The following ZNF143 variants were observed in gnomAD, a reference collection of about 807,000 sequenced individuals.
ZNF143 encodes SPH-binding factor.
Under a neutral mutation model 74.1 loss-of-function variants are expected in ZNF143, and 49 were observed. That is an observed-to-expected ratio of 0.66 (90% CI 0.53 to 0.84). The LOEUF (loss-of-function observed/expected upper bound fraction) is 0.84. Among genes scored for constraint, ZNF143 ranks in the 40% least tolerant of loss-of-function variants. The pLI, the probability that ZNF143 is intolerant of heterozygous loss-of-function variation, is 0.00. For missense variants in ZNF143, 637 were observed against 793.4 expected (o/e 0.80, Z 2.37); for synonymous variants, 304 against 282.8 (o/e 1.07, Z -0.75).
chr11:9,524,361 A>C (rs1219416568), intron 14 of ZNF143, among the ~76,000 whole-genome samples: 1 of 152,136 alleles, frequency 6.6e-6, no homozygotes, highest in Non-Finnish European at 1.5e-5. Flanking sequence ...AAGGGTTTAT[A>C]ATTGTTATCT....
intron 11 of ZNF143, 102 bp downstream of exon 11, chr11:9,501,372 C>T (rs1848151435): frequency 2.2e-6 from 3 of 1,349,806 alleles, no homozygotes; most frequent in South Asian, 1.4e-5. Context: ...TCCTTTCTAT[C>T]ACTTGGCATG....
At chr11:9,485,057 A>C (rs981464877) in intron 7 of ZNF143, among the ~76,000 whole-genome samples, 1 of 150,172 alleles carries the variant, frequency 6.7e-6, no homozygotes, top group Non-Finnish European at 1.5e-5. Context: ...TCGGCCTTCC[A>C]AAGTGCTAGG....
At chr11:9,477,917 C>T (rs1039876784) in intron 5 of ZNF143, among the ~76,000 whole-genome samples, 1 of 152,124 alleles carries the variant, frequency 6.6e-6, no homozygotes, top group Non-Finnish European at 1.5e-5. Flanking sequence ...CCTCTGCCTC[C>T]CAGGTTCAAG....
intron 11 of ZNF143, among the ~76,000 whole-genome samples, chr11:9,502,241 CT>C (rs1183629630): frequency 2.1e-3 from 119 of 56,992 alleles, no homozygotes; most frequent in African/African-American, 6.9e-3. Flanking sequence ...TGGCCATATT[CT>C]TTTTTTTTTT....
chr11:9,528,492 T>C lies in ZNF143; in HGVS notation c.*879T>C, dbSNP rs1849201111. 1 of 152,306 alleles carries C rather than the reference T, an allele frequency of 6.6e-6. No homozygotes were observed. The highest frequency in any genetic ancestry group is 1.9e-4 in the East Asian group (1 of 5,190). The allele number at this position is 152,306 out of a possible 1,614,324, so 9.4% of individuals were successfully genotyped here. On this transcript the variant is annotated 3_prime_UTR_variant, in exon 16 of 16. Transcript: ENST00000396602. ...AGCTTATTTACCCCAAAGTTTATTA[T>C]TAATTTTGAATACAGCAATTTTTAA...
In ZNF143 at chr11:9,472,721, G is replaced by A. The variant is rs766025125; in HGVS notation, c.157G>A (p.Val53Ile). The A allele has an allele frequency of 2.5e-6, 4 of 1,604,150 alleles. No individual in the cohort carries two copies. Among genetic ancestry groups the A allele is most frequent in the Non-Finnish European group, 2.5e-6 (3 of 1,177,006 alleles). ...ENMEGVSLQAVTLADGSTAYI... is the reference protein window; with the variant it reads ...ENMEGVSLQAITLADGSTAYI... ...TATGGAAGGCGTAAGCTTGCAAGCA[G>A]TAACACTTGCAGATGGTTCTACTGC... is the stretch of plus-strand genomic sequence containing the variant. Residue 53 changes from valine (V) to isoleucine (I), a missense_variant, in exon 3 of 16, where the codon GTA becomes ATA. Val to Ile is a conservative substitution (Grantham distance 29, BLOSUM62 3). Around this residue, in one of 2 missense-constraint regions of ZNF143, gnomAD observed 293 missense variants for 307.8 expected, o/e 0.95. Transcript: ENST00000396602.
At chr11:9,468,788 G>C (rs1856394252) in intron 1 of ZNF143, among the ~76,000 whole-genome samples, 1 of 151,720 alleles carries the variant, frequency 6.6e-6, no homozygotes, top group African/African-American at 2.4e-5. Flanking sequence ...GAGGTTGCAG[G>C]GTCCTGCCAC....
At position 9,508,961 on chromosome 11, in the gene ZNF143, TA is replaced by T. The variant is rs1848451927; in HGVS notation, c.1375+118del. The stretch of plus-strand genomic sequence containing the variant: ...CTAATGTGTCATTCGTATAATCACA[TA>T]AACATAATTTACAGCTGCAGTAAGT... On this transcript the variant is annotated intron_variant, in intron 12 of 15. Coordinates refer to ENST00000396602, the MANE Select transcript of ZNF143 (RefSeq NM_003442.6). The T allele has an allele frequency of 2.7e-6, 3 of 1,098,128 alleles. No individual in the cohort carries two copies. In the South Asian group the frequency reaches 4.6e-5, roughly 17 times the overall value. The allele number at this position is 1,098,128 out of a possible 1,614,324, so 68.0% of individuals were successfully genotyped here. A position where few individuals can be genotyped will look rare whatever the true frequency, so the allele number is the denominator to read the frequency against.
intron 12 of ZNF143, among the ~76,000 whole-genome samples, chr11:9,512,131 T>A (rs958693056): frequency 1.3e-5 from 2 of 152,106 alleles, no homozygotes; most frequent in East Asian, 3.8e-4. Flanking sequence ...TCCTGTACAG[T>A]TCCTCCCCTC....
chr11:9,520,621 G>A (rs1288464378), intron 14 of ZNF143, among the ~76,000 whole-genome samples: 1 of 151,802 alleles, frequency 6.6e-6, no homozygotes, highest in Non-Finnish European at 1.5e-5. Flanking sequence ...TGAAACCCTG[G>A]CTCTACTAAA....
In ZNF143 at chr11:9,497,904, C is replaced by T. The variant is rs1402084586; in HGVS notation, c.967+104C>T. On this transcript the variant is annotated intron_variant, in intron 10 of 15. Transcript: ENST00000396602. ...GGAGTGCAGTGGTGCAATCTTGGCTCACTGCAAGCTCCGCCTCCCGGGTTC... is the reference window on the plus strand; with the variant it reads ...GGAGTGCAGTGGTGCAATCTTGGCTTACTGCAAGCTCCGCCTCCCGGGTTC... The T allele has an allele frequency of 1.0e-5, 9 of 887,480 alleles. No individual in the cohort carries two copies. In the African/African-American group the frequency reaches 1.1e-4, roughly 11 times the overall value. 55.0% of individuals were successfully genotyped at this position (887,480 alleles called of 1,614,324 possible). A position where few individuals can be genotyped will look rare whatever the true frequency, so the allele number is the denominator to read the frequency against.
intron 7 of ZNF143, among the ~76,000 whole-genome samples, chr11:9,491,325 A>T (rs1332342024): frequency 6.6e-6 from 1 of 150,794 alleles, no homozygotes; most frequent in Non-Finnish European, 1.5e-5. Flanking sequence ...TTATTTCTGT[A>T]TTACTTTTTT....
intron 10 of ZNF143, among the ~76,000 whole-genome samples, chr11:9,498,244 A>G (rs913403835): frequency 6.6e-6 from 1 of 152,224 alleles, no homozygotes; most frequent in African/African-American, 2.4e-5. Context: ...GACTTGCTGT[A>G]TATGCATGTC....
rs559439224 is a variant in ZNF143, at chr11:9,488,889, A to T, written c.646-5757A>T. ...AGGTAGTAGTGCAAAGCAGGTTCCA[A>T]ATAGAAAAAAAAAAGATTTATTTGG... On this transcript the variant is annotated intron_variant, in intron 7 of 15. Transcript: ENST00000396602. Among the ~76,000 whole-genome samples the T allele has an allele frequency of 1.8e-3, 270 of 152,272 alleles. 3 individuals carry two copies. The South Asian group carries it at 0.019, about 11-fold the overall frequency.
chr11:9,489,137 T>C (rs891191222), intron 7 of ZNF143, among the ~76,000 whole-genome samples: 1 of 152,232 alleles, frequency 6.6e-6, no homozygotes, highest in Admixed American at 6.5e-5. Flanking sequence ...AGGTTCCTTT[T>C]GTTAGTTGGG....
At chr11:9,478,265 T>G in intron 5 of ZNF143, 125 bp from the exon 6 acceptor site, 1 of 875,698 alleles carries the variant, frequency 1.1e-6, no homozygotes, top group Non-Finnish European at 1.7e-6. Flanking sequence ...ATAACACATA[T>G]CAAGTGCGTG....
chr11:9,505,221 C>T (rs1848318416), intron 11 of ZNF143, among the ~76,000 whole-genome samples: 1 of 129,682 alleles, frequency 7.7e-6, no homozygotes, highest in Non-Finnish European at 1.8e-5. Context: ...ATCCACCCAC[C>T]TTGGCCTCCC....
rs757470929 is a variant in ZNF143, at chr11:9,472,662, A to AT, written c.113-8dup. 6.9e-6 allele frequency: 11 copies of AT among 1,605,394 alleles called. No individual in the cohort carries two copies. The Admixed American group carries it at 1.0e-4, about 15-fold the overall frequency. On this transcript the variant is annotated splice_polypyrimidine_tract_variant and intron_variant, in intron 2 of 15. Coordinates refer to ENST00000396602, the MANE Select transcript of ZNF143 (RefSeq NM_003442.6). ...TGCTAGCTGTCTAAAGAAAATATTG[A>AT]TTTTTTTGTAATAGATGGTGACAAC...
intron 11 of ZNF143, among the ~76,000 whole-genome samples, chr11:9,503,642 C>CTT (rs796242391): frequency 2.2e-4 from 31 of 138,076 alleles, no homozygotes; most frequent in Non-Finnish European, 2.8e-4. Context: ...TGATGTGAAG[C>CTT]TTTTTTTTTT....
Sources: allele counts gnomAD v4.1 joint callset (sites outside exome capture counted in the v4.1 genomes callset), GRCh38; gene constraint gnomAD v4.1.1; regional missense constraint gnomAD v4.1.1; transcripts MANE v1.5; gene names NCBI Gene and HGNC (gene_info 2026-07-23, HGNC 2026-07-21).